Variants in DLG2 observed in about 807,000 individuals in gnomAD.
DLG2 encodes the protein disks large homolog 2.
Under a neutral mutation model 132.5 loss-of-function variants are expected in DLG2, and 45 were observed. The ratio of observed to expected loss-of-function variants is 0.34; its 90% confidence interval spans 0.27 to 0.44. The LOEUF (loss-of-function observed/expected upper bound fraction) is 0.44, where lower values mean the gene tolerates loss of function less well. Among genes scored for constraint, DLG2 ranks in the 20% least tolerant of loss-of-function variants. The pLI is 1.00. For synonymous variants in DLG2, 424 were observed against 419.6 expected, an observed-to-expected ratio of 1.01 and a Z score of -0.13; for missense variants, 1,045 against 1,196.9, an observed-to-expected ratio of 0.87 and a Z score of 1.87.
rs2089314258 is a variant in DLG2 at position 83,458,328 on chromosome 11, T to C, written c.*1490A>G. 1 of 150,166 alleles carries C rather than the reference T, an allele frequency of 6.7e-6. No individual in the cohort carries two copies. The highest frequency in any genetic ancestry group is 2.4e-5 in the African/African-American group (1 of 41,108). The allele number at this position is 150,166 out of a possible 1,614,324, so 9.3% of individuals were successfully genotyped here. ...TTGGGAGGTTTCTTTTTTTAAATCATCGTTATTATAATTGTTAAAAAATAA... is the reference window on the plus strand; with the variant it reads ...TTGGGAGGTTTCTTTTTTTAAATCACCGTTATTATAATTGTTAAAAAATAA... On this transcript the variant is annotated 3_prime_UTR_variant, in exon 28 of 28. Coordinates refer to ENST00000376104, the MANE Select transcript of DLG2 (RefSeq NM_001142699.3).
chr11:84,899,107 T>C (rs2090569509), intron 6 of DLG2, among the ~76,000 whole-genome samples: 1 of 152,042 alleles, frequency 6.6e-6, no homozygotes, highest in African/African-American at 2.4e-5. Flanking sequence ...CTAAATAATC[T>C]TCTATAAAGA....
chr11:85,504,493 T>C (rs1297776608), intron 3 of DLG2, among the ~76,000 whole-genome samples: 5 of 152,242 alleles, frequency 3.3e-5, no homozygotes, highest in African/African-American at 7.2e-5. Context: ...TTCTTGTTTT[T>C]GTCAGGTTTA....
intron 11 of DLG2, among the ~76,000 whole-genome samples, chr11:83,988,969 T>C (rs529679700): frequency 6.6e-6 from 1 of 152,262 alleles, no homozygotes; most frequent in Admixed American, 6.6e-5. Context: ...TGAATGGTTT[T>C]TTGGTCTATT....
chr11:85,503,476 T>C (rs945483546), intron 3 of DLG2, among the ~76,000 whole-genome samples: 3 of 152,066 alleles, frequency 2.0e-5, no homozygotes, highest in African/African-American at 7.2e-5. Flanking sequence ...GTTTGAATGT[T>C]CCCTCCAAAA....
intron 6 of DLG2, among the ~76,000 whole-genome samples, chr11:85,033,877 G>A (rs1392938137): frequency 2.0e-5 from 3 of 151,542 alleles, no homozygotes; most frequent in East Asian, 1.9e-4. Context: ...CTTCTTTATC[G>A]TTAGATATGT....
At chr11:84,111,344 A>G (rs1035568069) in intron 9 of DLG2, among the ~76,000 whole-genome samples, 3 of 152,164 alleles carry the variant, frequency 2.0e-5, no homozygotes, top group African/African-American at 7.2e-5. Context: ...GGCAGATGCG[A>G]AGGCCCTTCC....
At chr11:83,603,132 T>C (rs1799752981) in intron 19 of DLG2, among the ~76,000 whole-genome samples, 3 of 152,032 alleles carry the variant, frequency 2.0e-5, no homozygotes, top group Non-Finnish European at 4.4e-5. Flanking sequence ...AGATCGCATA[T>C]TCAATAAATC....
intron 16 of DLG2, among the ~76,000 whole-genome samples, chr11:83,851,242 G>T (rs1466644952): frequency 2.0e-5 from 3 of 152,030 alleles, no homozygotes; most frequent in African/African-American, 7.3e-5. Flanking sequence ...GACATGTTAG[G>T]AAAGGATTGT....
intron 4 of DLG2, among the ~76,000 whole-genome samples, chr11:85,247,038 C>T (rs1171629199): frequency 6.6e-6 from 1 of 151,804 alleles, no homozygotes; most frequent in African/African-American, 2.4e-5. Context: ...GCAAAGCACA[C>T]ATTATATGTT....
At chr11:85,601,158 ATTTAG>A (rs2080127418) in intron 2 of DLG2, among the ~76,000 whole-genome samples, 2 of 152,116 alleles carry the variant, frequency 1.3e-5, no homozygotes, top group African/African-American at 4.8e-5. Context: ...TTTTAATATA[ATTTAG>A]TTAAGTTTAT....
At chr11:84,678,631 C>A (rs2099720969) in intron 6 of DLG2, among the ~76,000 whole-genome samples, 1 of 152,066 alleles carries the variant, frequency 6.6e-6, no homozygotes, top group African/African-American at 2.4e-5. Context: ...AGATGCCTGG[C>A]ACATAATGAT....
intron 3 of DLG2, among the ~76,000 whole-genome samples, chr11:85,523,740 A>G (rs2074509434): frequency 6.6e-6 from 1 of 152,232 alleles, no homozygotes; most frequent in African/African-American, 2.4e-5. Context: ...TACATACCCA[A>G]AAGAAAGAAA....
intron 18 of DLG2, among the ~76,000 whole-genome samples, chr11:83,780,973 G>A (rs17146074): frequency 0.062 from 9,485 of 152,276 alleles, 540 homozygotes; most frequent in African/African-American, 0.15. Flanking sequence ...GTGCATACAA[G>A]TTATCTGGGG....
At chr11:85,302,646 TAA>T (rs202166044) in intron 3 of DLG2, among the ~76,000 whole-genome samples, 45 of 105,826 alleles carry the variant, frequency 4.3e-4, no homozygotes, top group African/African-American at 4.0e-4. Context: ...CTTGAAAAGT[TAA>T]AAAAAAAAAA....
At chr11:83,976,782 A>T (rs1038671636) in intron 12 of DLG2, among the ~76,000 whole-genome samples, 1 of 151,918 alleles carries the variant, frequency 6.6e-6, no homozygotes, top group African/African-American at 2.4e-5. Context: ...ACAATTAAGG[A>T]TTATGTCACA....
At chr11:83,571,694 G>A (rs938742957) in intron 19 of DLG2, among the ~76,000 whole-genome samples, 1 of 151,816 alleles carries the variant, frequency 6.6e-6, no homozygotes, top group Non-Finnish European at 1.5e-5. Flanking sequence ...TATTACTGAT[G>A]AGCGGACTGA....
chr11:85,489,341 T>C (rs1029674394), intron 3 of DLG2, among the ~76,000 whole-genome samples: 1 of 152,086 alleles, frequency 6.6e-6, no homozygotes, highest in Admixed American at 6.5e-5. Flanking sequence ...AATAAAGGTA[T>C]CAACTCAGCA....
At chr11:84,881,165 G>C (rs1042489056) in intron 6 of DLG2, among the ~76,000 whole-genome samples, 3 of 152,088 alleles carry the variant, frequency 2.0e-5, no homozygotes, top group African/African-American at 7.2e-5. Flanking sequence ...CTGCTGATCA[G>C]ACCTGGAGAT....
In DLG2 at chr11:85,009,702, C is replaced by T. The variant is rs116794566; in HGVS notation, c.357+101959G>A. On this transcript the variant is annotated intron_variant, in intron 6 of 27. Coordinates refer to ENST00000376104, the MANE Select transcript of DLG2 (RefSeq NM_001142699.3). ...TGTATATCAATTCCAGTTATACAAA[C>T]GCCAAGAAGCTTATTTTAAACGCAA... Among the ~76,000 whole-genome samples, 983 of 152,078 alleles carry T rather than the reference C, an allele frequency of 6.5e-3. 11 individuals are homozygous for T. The highest frequency in any genetic ancestry group is 0.022 in the African/African-American group (931 of 41,536).
Sources: allele counts gnomAD v4.1 joint callset (sites outside exome capture counted in the v4.1 genomes callset), GRCh38; gene constraint gnomAD v4.1.1; transcripts MANE v1.5; gene names NCBI Gene and HGNC (gene_info 2026-07-23, HGNC 2026-07-21).